HGF: variants seen among roughly 807,000 people sequenced by gnomAD.
HGF encodes the protein fibroblast-derived tumor cytotoxic factor.
In HGF, 39 loss-of-function variants were observed where a neutral mutation model predicts 111.6. The observed-to-expected ratio is 0.35, with a 90% confidence interval of 0.27 to 0.46. HGF has a LOEUF of 0.46. Among genes scored for constraint, HGF ranks in the 20% least tolerant of loss-of-function variants. The probability of loss-of-function intolerance (pLI) is 1.00; values close to 1 mark genes in which losing one functional copy is unlikely to be tolerated. For missense variants in HGF, 735 were observed against 910.5 expected, an observed-to-expected ratio of 0.81 and a Z score of 2.48; for synonymous variants, 285 against 294.8, an observed-to-expected ratio of 0.97 and a Z score of 0.34.
At chr7:81,730,423 C>G (rs1444923313) in intron 7 of HGF, among the ~76,000 whole-genome samples, 1 of 151,656 alleles carries the variant, frequency 6.6e-6, no homozygotes, top group African/African-American at 2.4e-5. Context: ...CCATTGCACT[C>G]CAGCCTGGGC....
chr7:81,750,818 G>T (rs1344407292), intron 5 of HGF: 6 of 301,130 alleles, frequency 2.0e-5, no homozygotes, highest in African/African-American at 4.6e-5. Flanking sequence ...TAAAAGTAGG[G>T]TTTTTTTTCT....
chr7:81,716,542 G>A (rs1378261801), intron 11 of HGF, among the ~76,000 whole-genome samples: 19 of 151,776 alleles, frequency 1.3e-4, no homozygotes, highest in Non-Finnish European at 4.4e-5. Flanking sequence ...TTATTTATTA[G>A]CTATATTTTT....
chr7:81,758,634 A>G (rs1788902227), intron 3 of HGF, 58 bp downstream of exon 3: 2 of 1,074,042 alleles, frequency 1.9e-6, no homozygotes, highest in Admixed American at 1.7e-5. Flanking sequence ...GGAAATTACA[A>G]ACATACATTT....
In HGF at chr7:81,725,952, TCAGTGGTAAAACA is replaced by T; in HGVS notation, c.1093_1105del (p.Cys365IlefsTer42). On this transcript the variant is annotated frameshift_variant, in exon 9 of 18. Transcript: ENST00000222390. LOFTEE classifies it high-confidence loss of function. ...GCAGTAGCCAACTCGGATGTTTGGA[TCAGTGGTAAAACA>T]CCAGGGTGATTCAGACCCATCTGGA... 2 of 1,614,032 alleles carry T rather than the reference TCAGTGGTAAAACA, an allele frequency of 1.2e-6. No homozygotes were observed. Among genetic ancestry groups the T allele is most frequent in the Non-Finnish European group, 1.7e-6 (2 of 1,179,904 alleles).
intron 7 of HGF, among the ~76,000 whole-genome samples, chr7:81,737,228 G>C (rs1360800671): frequency 1.3e-5 from 2 of 151,968 alleles, no homozygotes; most frequent in Non-Finnish European, 2.9e-5. Flanking sequence ...GCAAAAGAGA[G>C]CTTAAAAGGT....
chr7:81,754,242 T>C (rs1338376902), intron 4 of HGF, among the ~76,000 whole-genome samples: 1 of 152,004 alleles, frequency 6.6e-6, no homozygotes, highest in African/African-American at 2.4e-5. Flanking sequence ...ATACGAACTA[T>C]AATTTCCCTT....
intron 1 of HGF, among the ~76,000 whole-genome samples, chr7:81,768,025 G>A (rs1451651359): frequency 6.6e-6 from 1 of 152,128 alleles, no homozygotes; most frequent in Non-Finnish European, 1.5e-5. Flanking sequence ...CAGCATATTT[G>A]TAATTCCCAA....
At chr7:81,751,572 C>T in intron 5 of HGF, 1 of 992,520 alleles carries the variant, frequency 1.0e-6, no homozygotes, top group Non-Finnish European at 1.2e-6. Context: ...GAATGGTACT[C>T]AGTTCCAGCC....
At chr7:81,755,103 A>G (rs948940823) in intron 4 of HGF, 3 of 151,988 alleles carry the variant, frequency 2.0e-5, no homozygotes, top group Admixed American at 2.0e-4. Flanking sequence ...CCATCATCTG[A>G]TTCATTAATG....
intron 1 of HGF, among the ~76,000 whole-genome samples, chr7:81,763,361 C>T (rs371975780): frequency 6.6e-6 from 1 of 152,156 alleles, no homozygotes; most frequent in Admixed American, 6.6e-5. Flanking sequence ...CTGACCTACT[C>T]TTTAAAGTCT....
intron 10 of HGF, among the ~76,000 whole-genome samples, chr7:81,718,764 A>G (rs1359671986): frequency 2.6e-5 from 4 of 152,156 alleles, no homozygotes; most frequent in African/African-American, 9.7e-5. Context: ...TGTAGTGTAA[A>G]TACTTCTACC....
At chr7:81,756,068 A>G in intron 4 of HGF, 1 of 701,652 alleles carries the variant, frequency 1.4e-6, no homozygotes, top group Non-Finnish European at 2.6e-6. Flanking sequence ...CCACCACTGC[A>G]AAAACAAATC....
At chr7:81,745,364 C>T (rs983821841) in intron 5 of HGF, among the ~76,000 whole-genome samples, 6 of 152,068 alleles carry the variant, frequency 3.9e-5, no homozygotes, top group African/African-American at 1.2e-4. Flanking sequence ...TATAGGGCCA[C>T]GACGCTGTCT....
At chr7:81,724,358 C>G (rs1789951337) in intron 9 of HGF, among the ~76,000 whole-genome samples, 2 of 152,066 alleles carry the variant, frequency 1.3e-5, no homozygotes. Flanking sequence ...AGAAGTATGC[C>G]TAGGGCAGTA....
At chr7:81,728,814 A>G (rs962859198) in intron 8 of HGF, among the ~76,000 whole-genome samples, 2 of 152,244 alleles carry the variant, frequency 1.3e-5, no homozygotes, top group Non-Finnish European at 2.9e-5. Flanking sequence ...AGCCAATTAC[A>G]TAAAGCCAAT....
intron 1 of HGF, among the ~76,000 whole-genome samples, chr7:81,765,418 C>A (rs1009689961): frequency 1.3e-5 from 2 of 152,122 alleles, no homozygotes; most frequent in East Asian, 3.9e-4. Flanking sequence ...ATCTAAAGAT[C>A]GAAAAGCATT....
intron 5 of HGF, among the ~76,000 whole-genome samples, chr7:81,747,525 G>A: frequency 6.6e-6 from 1 of 151,866 alleles, no homozygotes; most frequent in Admixed American, 6.6e-5. Flanking sequence ...TGCAGTTGTG[G>A]GCCTAAAAAT....
intron 17 of HGF, among the ~76,000 whole-genome samples, chr7:81,705,166 T>C (rs1789388517): frequency 6.6e-6 from 1 of 151,920 alleles, no homozygotes; most frequent in Admixed American, 6.6e-5. Context: ...TATTATTTTT[T>C]GAGTGACAAA....
intron 7 of HGF, chr7:81,743,077 T>A (rs1340755965): frequency 4.6e-6 from 4 of 873,962 alleles, no homozygotes; most frequent in African/African-American, 1.7e-5. Flanking sequence ...TGTGGTTTTT[T>A]AAATTTTCTT....
Sources: gnomAD v4.1 joint callset for allele counts (sites outside exome capture counted in the v4.1 genomes callset) on GRCh38, gnomAD v4.1.1 for gene constraint, MANE v1.5 for transcripts, NCBI Gene and HGNC (gene_info 2026-07-23, HGNC 2026-07-21) for gene names.